The following MMP8 variants were observed in gnomAD, a reference collection of about 807,000 sequenced individuals.
MMP8 encodes the protein neutrophil collagenase.
A neutral mutation model predicts 51.2 loss-of-function variants in MMP8; 67 were observed. That is an observed-to-expected ratio of 1.31 (90% CI 1.08 to 1.60). MMP8 has a LOEUF of 1.60. Among genes scored for constraint, MMP8 ranks in the 40% most tolerant of loss-of-function variants. MMP8 has a pLI of 0.00. For missense variants in MMP8, 654 were observed against 558.1 expected (o/e 1.17, Z -1.73); for synonymous variants, 225 against 191.0 (o/e 1.18, Z -1.47).
intron 5 of MMP8, 30 bp from the exon 6 acceptor site, chr11:102,716,449 G>C (rs35508510): frequency 0.072 from 78,632 of 1,085,108 alleles, 4,649 homozygotes; most frequent in East Asian, 0.23. Flanking sequence ...AAAAAAAAAG[G>C]TCTTTCTTAT....
chr11:102,720,101 G>T (rs556500665), intron 4 of MMP8, among the ~76,000 whole-genome samples: 8 of 152,316 alleles, frequency 5.3e-5, no homozygotes, highest in African/African-American at 9.6e-5. Flanking sequence ...GTGTTAGCCC[G>T]ATGTGAATGG....
intron 2 of MMP8, among the ~76,000 whole-genome samples, chr11:102,722,168 GT>G (rs1861492260): frequency 6.9e-6 from 1 of 144,484 alleles, no homozygotes; most frequent in South Asian, 2.3e-4. Context: ...CCTAAAGTAA[GT>G]GCTTAGAGAG....
chr11:102,713,990 C>CTAGGAT, intron 8 of MMP8, 133 bp from the exon 9 acceptor site: 1 of 553,776 alleles, frequency 1.8e-6, no homozygotes, highest in Non-Finnish European at 3.1e-6. Flanking sequence ...GCCCTGTTTA[C>CTAGGAT]TAGGATTAAG....
In MMP8 at chr11:102,718,455, G is replaced by A; in HGVS notation, c.743C>T (p.Ser248Leu). The change falls in exon 5 of 10, where the codon TCA becomes TTA. Residue 248 changes from serine (S) to leucine (L), a missense_variant. Ser to Leu is a moderately radical substitution (Grantham distance 145). Transcript: ENST00000236826. ...GCCATCGATGTCATCTTGAGGGAGT[G>A]AGTAGTTGCTGGTTTCCCTGAAAGC... ...NYAFRETSNYSLPQDDIDGIQ... is the reference protein window; with the variant it reads ...NYAFRETSNYLLPQDDIDGIQ... The A allele has an allele frequency of 6.2e-7, 1 of 1,613,482 alleles. No individual in the cohort carries two copies. The highest frequency in any genetic ancestry group is 8.5e-7 in the Non-Finnish European group (1 of 1,179,730).
intron 5 of MMP8, 136 bp from the exon 6 acceptor site, chr11:102,716,555 A>C (rs2134300362): frequency 2.3e-6 from 1 of 428,222 alleles, no homozygotes; most frequent in South Asian, 6.2e-5. Flanking sequence ...ACTATACCAT[A>C]AAGTATTAAA....
rs1323598255 is a variant in MMP8 at position 102,724,759 on chromosome 11, C to A, written c.97G>T (p.Val33Phe). The A allele has an allele frequency of 1.9e-6, 3 of 1,591,436 alleles. No homozygotes were observed. Among genetic ancestry groups the A allele is most frequent in the Non-Finnish European group, 2.6e-6 (3 of 1,166,754 alleles). The stretch of plus-strand genomic sequence containing the variant: ...CTAACTGATAGTTCATTTACCTGAA[C>A]AGTTTTTGTATTTTTCTCTTTAGAA... ...VSSKEKNTKT[V>F]QDYLEKFYQL... The change falls in exon 1 of 10, where the codon GTT becomes TTT. Residue 33 changes from valine (V) to phenylalanine (F), a missense_variant. Physicochemically the swap from Val to Phe is conservative, Grantham distance 50. Coordinates refer to ENST00000236826, the MANE Select transcript of MMP8 (RefSeq NM_002424.3).
Position 102,713,289 on chromosome 11 carries a change from T to C in MMP8, c.*59A>G. 1 of 1,174,088 alleles carries C rather than the reference T, an allele frequency of 8.5e-7. No individual in the cohort carries two copies. The highest frequency in any genetic ancestry group is 1.3e-6 in the Non-Finnish European group (1 of 781,524). 72.7% of individuals were successfully genotyped at this position (1,174,088 alleles called of 1,614,324 possible). A position where few individuals can be genotyped will look rare whatever the true frequency, so the allele number is the denominator to read the frequency against. ...TAAGCAGGACACAATGTAACGAAAA[T>C]GCTTGCTGAACTTCCCTTCAACATT... is the stretch of plus-strand genomic sequence containing the variant. On this transcript the variant is annotated 3_prime_UTR_variant, in exon 10 of 10. Transcript: ENST00000236826.
At chr11:102,718,880 G>A (rs1296712795) in intron 4 of MMP8, among the ~76,000 whole-genome samples, 2 of 152,206 alleles carry the variant, frequency 1.3e-5, no homozygotes, top group African/African-American at 4.8e-5. Flanking sequence ...AGTAATGGCA[G>A]AGCCGTCATG....
rs1049578611 is a variant in MMP8, at chr11:102,712,325, T to A, written c.*1023A>T. On this transcript the variant is annotated 3_prime_UTR_variant, in exon 10 of 10. Transcript: ENST00000236826. ...GCTGCTGTCCTGGGAAGATGCCCAG[T>A]AGTCCTTAGCAAGGGTTCTACTTCT... is the stretch of plus-strand genomic sequence containing the variant. 3 of 152,406 alleles carry A rather than the reference T, an allele frequency of 2.0e-5. No homozygotes were observed. The highest frequency in any genetic ancestry group is 7.2e-5 in the African/African-American group (3 of 41,460). 9.4% of individuals were successfully genotyped at this position (152,406 alleles called of 1,614,324 possible). A position where few individuals can be genotyped will look rare whatever the true frequency, so the allele number is the denominator to read the frequency against.
chr11:102,723,923 T>A (rs773286642), intron 1 of MMP8: 1 of 335,352 alleles, frequency 3.0e-6, no homozygotes, highest in Non-Finnish European at 6.3e-6. Context: ...ACATTATTTA[T>A]CTGATTTAAG....
rs1463610070 is a variant in MMP8 at position 102,721,382 on chromosome 11, A to G, written c.622+19T>C. 1 of 1,613,174 alleles carries G rather than the reference A, an allele frequency of 6.2e-7. No individual in the cohort carries two copies. Among genetic ancestry groups the G allele is most frequent in the East Asian group, 2.2e-5 (1 of 44,886 alleles). On this transcript the variant is annotated intron_variant, in intron 4 of 9. Coordinates refer to ENST00000236826, the MANE Select transcript of MMP8 (RefSeq NM_002424.3). ...GTTAATTCAGAAGCTGTGTGTGGACATAATCTTGATTAACTTACTTGCGGA... is the reference window on the plus strand; with the variant it reads ...GTTAATTCAGAAGCTGTGTGTGGACGTAATCTTGATTAACTTACTTGCGGA...
rs34428739 is a variant in MMP8, at chr11:102,721,445, T to A, written c.578A>T (p.Asp193Val). 3.1e-6 allele frequency: 5 copies of A among 1,613,796 alleles called. No homozygotes were observed. In the East Asian group the frequency reaches 1.1e-4, roughly 36 times the overall value. ...TGTTTCTTCGGCATCAAAATGAGCATCTCCTCCAATACCTTGGCCTGGCTG... is the reference window on the plus strand; with the variant it reads ...TGTTTCTTCGGCATCAAAATGAGCAACTCCTCCAATACCTTGGCCTGGCTG... The part of the protein sequence containing the change: ...AFQPGQGIGG[D>V]AHFDAEETWT... Residue 193 changes from aspartate to valine, a missense_variant, in exon 4 of 10, where the codon GAT becomes GTT. Asp to Val is a radical substitution (Grantham distance 152). Transcript: ENST00000236826.
chr11:102,724,877 C>T lies in MMP8; in HGVS notation c.-22G>A. 1.3e-6 allele frequency: 2 copies of T among 1,597,976 alleles called. No individual in the cohort carries two copies. Among genetic ancestry groups the T allele is most frequent in the Admixed American group, 3.4e-5 (2 of 58,888 alleles). ...ACATGATCTTCTCTTCAAACTCTAC[C>T]CCTCCTGGCTTTCTTTCTGTCCCTC... is the stretch of plus-strand genomic sequence containing the variant. On this transcript the variant is annotated 5_prime_UTR_variant, in exon 1 of 10. Transcript: ENST00000236826.
At chr11:102,724,659 T>G (rs1171844313) in intron 1 of MMP8, 95 bp downstream of exon 1, 1 of 1,122,562 alleles carries the variant, frequency 8.9e-7, no homozygotes. Flanking sequence ...CCCAAATAAT[T>G]TCTTTCAGGC....
intron 2 of MMP8, 54 bp from the exon 3 acceptor site, chr11:102,721,816 A>C (rs1256105892): frequency 1.3e-6 from 2 of 1,586,898 alleles, no homozygotes; most frequent in Admixed American, 1.7e-5. Flanking sequence ...ACAGTAGTCC[A>C]TCAACTGATG....
Position 102,722,289 on chromosome 11 carries a change from A to G in MMP8, c.347+140T>C, listed in dbSNP as rs1043726958. 1.8e-5 allele frequency: 17 copies of G among 936,680 alleles called. 1 individual carries two copies. The Admixed American group carries it at 3.8e-4, about 21-fold the overall frequency. The allele number at this position is 936,680 out of a possible 1,614,324, so 58.0% of individuals were successfully genotyped here. ...GGTATCTCAACATTTTCATTCTCAT[A>G]TTCATTCACTACTCACACTCTTCAA... On this transcript the variant is annotated intron_variant, in intron 2 of 9. Coordinates refer to ENST00000236826, the MANE Select transcript of MMP8 (RefSeq NM_002424.3).
At chr11:102,717,329 C>A (rs759677033) in intron 5 of MMP8, among the ~76,000 whole-genome samples, 1 of 152,174 alleles carries the variant, frequency 6.6e-6, no homozygotes, top group African/African-American at 2.4e-5. Flanking sequence ...CTATACTTAT[C>A]CTTGAAATGT....
At chr11:102,713,956 A>AT (rs1163563628) in intron 8 of MMP8, 99 bp from the exon 9 acceptor site, 4 of 716,574 alleles carry the variant, frequency 5.6e-6, no homozygotes, top group Non-Finnish European at 9.0e-6. Flanking sequence ...CCTCACACAT[A>AT]TTTTTTCATT....
intron 5 of MMP8, among the ~76,000 whole-genome samples, chr11:102,716,765 C>T (rs1861311243): frequency 6.6e-6 from 1 of 152,054 alleles, no homozygotes; most frequent in African/African-American, 2.4e-5. Context: ...GTATCTATTG[C>T]CTCTCTCCTC....
Sources: allele counts gnomAD v4.1 joint callset (sites outside exome capture counted in the v4.1 genomes callset), GRCh38; gene constraint gnomAD v4.1.1; transcripts MANE v1.5; gene names NCBI Gene and HGNC (gene_info 2026-07-23, HGNC 2026-07-21).